XPR1: variants seen among roughly 807,000 people sequenced by gnomAD.
The protein encoded by XPR1 is solute carrier family 53 member 1.
In XPR1, 28 loss-of-function variants were observed where a neutral mutation model predicts 87.5. The observed-to-expected ratio is 0.32, with a 90% CI of 0.24 to 0.44. The LOEUF (loss-of-function observed/expected upper bound fraction) is 0.44. XPR1 is among the 20% of genes least tolerant of loss of function. The probability of loss-of-function intolerance (pLI) is 1.00; values close to 1 mark genes in which losing one functional copy is unlikely to be tolerated. For synonymous variants in XPR1, 300 were observed against 306.1 expected, an observed-to-expected ratio of 0.98 and a Z score of 0.21; for missense variants, 559 against 862.3, an observed-to-expected ratio of 0.65 and a Z score of 4.41.
intron 2 of XPR1, among the ~76,000 whole-genome samples, chr1:180,773,791 A>G (rs1648608638): frequency 6.6e-6 from 1 of 152,172 alleles, no homozygotes; most frequent in African/African-American, 2.4e-5. Flanking sequence ...TCAGTTGCTT[A>G]GATGATAAAT....
intron 1 of XPR1, among the ~76,000 whole-genome samples, chr1:180,655,640 C>G (rs1655432000): frequency 6.6e-6 from 1 of 151,930 alleles, no homozygotes; most frequent in Admixed American, 6.6e-5. Flanking sequence ...TTCTTGTTGC[C>G]TATGCCTTTG....
chr1:180,889,535 C>T lies in XPR1; in HGVS notation c.*5469C>T, dbSNP rs1434606670. ...TTCCCTGATTGCCCTGTAGCAACAC[C>T]AGCATGGTGGGAATTGGAGGGAAAG... On this transcript the variant is annotated 3_prime_UTR_variant, in exon 15 of 15. Transcript: ENST00000367590. 6.6e-6 allele frequency: 1 copy of T among 152,236 alleles called. No individual in the cohort carries two copies. The highest frequency in any genetic ancestry group is 2.4e-5 in the African/African-American group (1 of 41,460). The allele number at this position is 152,236 out of a possible 1,614,324, so 9.4% of individuals were successfully genotyped here.
In XPR1 at chr1:180,888,309, A is replaced by C. The variant is rs192862860; in HGVS notation, c.*4243A>C. On this transcript the variant is annotated 3_prime_UTR_variant, in exon 15 of 15. Transcript: ENST00000367590. ...GCATTGTTTTAAAATGTGGGATACA[A>C]ATCTGGTAAGCAGATTTCAGGTCAT... The C allele has an allele frequency of 6.6e-6, 1 of 151,962 alleles. No homozygotes were observed. Among genetic ancestry groups the C allele is most frequent in the Admixed American group, 6.6e-5 (1 of 15,238 alleles). The allele number at this position is 151,962 out of a possible 1,614,324, so 9.4% of individuals were successfully genotyped here.
In XPR1 at chr1:180,765,381, C is replaced by T. The variant is rs554708887; in HGVS notation, c.122-22372C>T. Among the ~76,000 whole-genome samples, 9 of 152,308 alleles carry T rather than the reference C, an allele frequency of 5.9e-5. No homozygotes were observed. The South Asian group carries it at 1.4e-3, about 25-fold the overall frequency. On this transcript the variant is annotated intron_variant, in intron 2 of 14. Coordinates refer to ENST00000367590, the MANE Select transcript of XPR1 (RefSeq NM_004736.4). ...ATTATGCTGGACTGATTTCAGTATT[C>T]TGTTCTAAGTCAGTTATGCAAACTA...
intron 6 of XPR1, among the ~76,000 whole-genome samples, chr1:180,808,196 AC>A (rs1321469954): frequency 6.6e-6 from 1 of 152,130 alleles, no homozygotes; most frequent in Non-Finnish European, 1.5e-5. Flanking sequence ...CATATTACGA[AC>A]AACAGATATT....
chr1:180,708,001 A>G (rs1200872509), intron 2 of XPR1, among the ~76,000 whole-genome samples: 1 of 152,218 alleles, frequency 6.6e-6, no homozygotes, highest in East Asian at 1.9e-4. Context: ...GGAAATTTAA[A>G]TAAAACAATT....
chr1:180,823,796 G>T (rs774432910), intron 7 of XPR1, among the ~76,000 whole-genome samples: 5 of 152,178 alleles, frequency 3.3e-5, no homozygotes, highest in Non-Finnish European at 7.4e-5. Flanking sequence ...CTAAGCAAAT[G>T]ACAACCTCTC....
At chr1:180,807,875 A>G (rs1650057997) in intron 6 of XPR1, among the ~76,000 whole-genome samples, 1 of 152,128 alleles carries the variant, frequency 6.6e-6, no homozygotes, top group African/African-American at 2.4e-5. Context: ...TTCGTGGCAC[A>G]TGCCTGTAAT....
chr1:180,632,077 G>A lies in XPR1; in HGVS notation c.-125G>A, dbSNP rs1206007523. 5.2e-6 allele frequency: 6 copies of A among 1,153,216 alleles called. No homozygotes were observed. Among genetic ancestry groups the A allele is most frequent in the Non-Finnish European group, 7.6e-6 (6 of 787,154 alleles). The allele number at this position is 1,153,216 out of a possible 1,614,324, so 71.4% of individuals were successfully genotyped here. On this transcript the variant is annotated 5_prime_UTR_variant, in exon 1 of 15. Transcript: ENST00000367590. Reference sequence around the variant, plus strand: ...CTGCTCTGAAGAGACCTCGGCGGCGGCGGAGGAGGAGAGAAGCGCAGCGCC... The same window carrying A: ...CTGCTCTGAAGAGACCTCGGCGGCGACGGAGGAGGAGAGAAGCGCAGCGCC...
chr1:180,675,860 T>C (rs1211001277), intron 1 of XPR1, among the ~76,000 whole-genome samples: 1 of 152,172 alleles, frequency 6.6e-6, no homozygotes, highest in Non-Finnish European at 1.5e-5. Flanking sequence ...TTGTTTCTGA[T>C]TGAGGACTAT....
chr1:180,812,359 A>G (rs1650248300), intron 7 of XPR1, among the ~76,000 whole-genome samples: 2 of 152,126 alleles, frequency 1.3e-5, no homozygotes, highest in South Asian at 4.1e-4. Flanking sequence ...TGACTCCCAA[A>G]TATATGTTCT....
Position 180,632,044 on chromosome 1 carries a change from C to T in XPR1, c.-158C>T, listed in dbSNP as rs545901824. ...GCTATGGAGAGGAGGAGGAAGATGG[C>T]GGGCGGGCTGCTCTGAAGAGACCTC... On this transcript the variant is annotated 5_prime_UTR_variant, in exon 1 of 15. Coordinates refer to ENST00000367590, the MANE Select transcript of XPR1 (RefSeq NM_004736.4). The T allele has an allele frequency of 7.7e-6, 6 of 777,614 alleles. No individual in the cohort carries two copies. Among genetic ancestry groups the T allele is most frequent in the African/African-American group, 1.7e-5 (1 of 58,132 alleles). 48.2% of individuals were successfully genotyped at this position (777,614 alleles called of 1,614,324 possible). A position where few individuals can be genotyped will look rare whatever the true frequency, so the allele number is the denominator to read the frequency against.
At chr1:180,794,697 G>T (rs543958641) in intron 3 of XPR1, among the ~76,000 whole-genome samples, 1 of 152,152 alleles carries the variant, frequency 6.6e-6, no homozygotes, top group Non-Finnish European at 1.5e-5. Flanking sequence ...GCTCTTAAGG[G>T]AGGTTGTTTG....
chr1:180,840,147 C>G (rs532988309), intron 11 of XPR1, among the ~76,000 whole-genome samples: 2 of 149,638 alleles, frequency 1.3e-5, no homozygotes, highest in African/African-American at 2.5e-5. Flanking sequence ...GGCGTGAACC[C>G]GGGAAGCGGA....
At chr1:180,707,774 A>G (rs1286653065) in intron 2 of XPR1, among the ~76,000 whole-genome samples, 2 of 152,214 alleles carry the variant, frequency 1.3e-5, no homozygotes, top group African/African-American at 4.8e-5. Flanking sequence ...TGTGCAAAAT[A>G]TTTTAGAAAT....
chr1:180,817,992 C>T (rs975620900), intron 7 of XPR1, among the ~76,000 whole-genome samples: 1 of 142,554 alleles, frequency 7.0e-6, no homozygotes, highest in Non-Finnish European at 1.5e-5. Flanking sequence ...AATCTCCACT[C>T]CAGGATATAA....
At chr1:180,861,436 C>T (rs772148190) in intron 11 of XPR1, among the ~76,000 whole-genome samples, 1 of 152,010 alleles carries the variant, frequency 6.6e-6, no homozygotes, top group Non-Finnish European at 1.5e-5. Context: ...TGACACTTCT[C>T]AGCTAGACCC....
intron 1 of XPR1, among the ~76,000 whole-genome samples, chr1:180,638,098 A>T (rs904303561): frequency 2.6e-5 from 4 of 152,118 alleles, no homozygotes; most frequent in South Asian, 4.1e-4. Context: ...AATGAAGATT[A>T]AAAAAATGAA....
intron 2 of XPR1, among the ~76,000 whole-genome samples, chr1:180,785,416 C>G (rs1649104815): frequency 6.6e-6 from 1 of 151,988 alleles, no homozygotes. Context: ...CCTTGGTCTC[C>G]CAAAATGCTG....
Sources: gnomAD v4.1 joint callset for allele counts (sites outside exome capture counted in the v4.1 genomes callset) on GRCh38, gnomAD v4.1.1 for gene constraint, MANE v1.5 for transcripts, NCBI Gene and HGNC (gene_info 2026-07-23, HGNC 2026-07-21) for gene names.